CAPN5: variants seen among roughly 807,000 people sequenced by gnomAD.
CAPN5 encodes the protein calpain-5.
In CAPN5, 54 loss-of-function variants were observed where a neutral mutation model predicts 73.0. The ratio of observed to expected loss-of-function variants is 0.74; its 90% CI spans 0.59 to 0.93. CAPN5 has a LOEUF of 0.93. Ranked by LOEUF, CAPN5 falls within the 40% of genes least tolerant of loss-of-function variation. The probability of loss-of-function intolerance (pLI) is 0.00; values close to 1 mark genes in which losing one functional copy is unlikely to be tolerated. For synonymous variants in CAPN5, 335 were observed against 356.9 expected, an observed-to-expected ratio of 0.94 and a Z score of 0.69; for missense variants, 785 against 882.9, an observed-to-expected ratio of 0.89 and a Z score of 1.41.
intron 3 of CAPN5, among the ~76,000 whole-genome samples, chr11:77,104,388 G>C (rs1389661588): frequency 1.3e-5 from 2 of 152,180 alleles, no homozygotes; most frequent in African/African-American, 4.8e-5. Context: ...GGCATTTCTT[G>C]GGCTTCTTCA....
intron 3 of CAPN5, among the ~76,000 whole-genome samples, chr11:77,106,042 C>T (rs1294648822): frequency 6.6e-6 from 1 of 152,118 alleles, no homozygotes; most frequent in Non-Finnish European, 1.5e-5. Flanking sequence ...AACCCAGGCT[C>T]GGGTTGGGCT....
intron 3 of CAPN5, among the ~76,000 whole-genome samples, chr11:77,099,407 G>A (rs1279545273): frequency 2.8e-5 from 4 of 142,808 alleles, no homozygotes; most frequent in African/African-American, 7.9e-5. Flanking sequence ...GTAGTGAGCC[G>A]AGATCACGCC....
At chr11:77,093,640 T>C (rs782729697) in intron 2 of CAPN5, 42 bp from the exon 3 acceptor site, 14 of 1,528,264 alleles carry the variant, frequency 9.2e-6, no homozygotes, top group Admixed American at 7.8e-5. Context: ...GGCATCCGCA[T>C]GCTCCTCCGC....
In CAPN5 at chr11:77,112,779, T is replaced by C. The variant is rs782542809; in HGVS notation, c.488T>C (p.Val163Ala). 1 of 1,614,172 alleles carries C rather than the reference T, an allele frequency of 6.2e-7. No homozygotes were observed. Among genetic ancestry groups the C allele is most frequent in the South Asian group, 1.1e-5 (1 of 91,074 alleles). Residue 163 changes from valine to alanine, a missense_variant, in exon 4 of 13, where the codon GTG becomes GCG. Coordinates refer to ENST00000648180, the MANE Select transcript of CAPN5 (RefSeq NM_004055.5). ...NSRNEFWCAL[V>A]EKAYAKLAGC... ...CGCAATGAGTTTTGGTGCGCCCTAG[T>C]GGAGAAGGCCTATGCCAAGTAGGTG... is the stretch of plus-strand genomic sequence containing the variant.
intron 10 of CAPN5, 98 bp downstream of exon 10, chr11:77,121,007 G>A: frequency 1.7e-6 from 2 of 1,145,986 alleles, no homozygotes; most frequent in Non-Finnish European, 2.5e-6. Flanking sequence ...GTGTCTCTGG[G>A]CCTCCAGCCA....
chr11:77,100,875 G>A (rs1256067444), intron 3 of CAPN5, among the ~76,000 whole-genome samples: 4 of 152,170 alleles, frequency 2.6e-5, no homozygotes, highest in Non-Finnish European at 4.4e-5. Flanking sequence ...CTTTCTATCA[G>A]CCTTCACCTT....
rs782818823 is a variant in CAPN5 at position 77,093,842 on chromosome 11, G to A, written c.297+29G>A. ...AGGCCTCGGGCAGAGTGGGCAGGGTGCTGGGGAGTGTGAACGCAGCCTGTG... is the reference window on the plus strand; with the variant it reads ...AGGCCTCGGGCAGAGTGGGCAGGGTACTGGGGAGTGTGAACGCAGCCTGTG... On this transcript the variant is annotated intron_variant, in intron 3 of 12. Transcript: ENST00000648180. 6.2e-6 allele frequency: 10 copies of A among 1,602,332 alleles called. No individual in the cohort carries two copies. The South Asian group carries it at 9.9e-5, about 16-fold the overall frequency.
At chr11:77,093,581 C>T (rs1239178495) in intron 2 of CAPN5, 101 bp from the exon 3 acceptor site, 3 of 1,434,574 alleles carry the variant, frequency 2.1e-6, no homozygotes, top group Non-Finnish European at 2.8e-6. Flanking sequence ...GATCACACAG[C>T]AAGTCTGTGT....
chr11:77,116,403 A>G (rs1271827969), intron 7 of CAPN5, 100 bp downstream of exon 7: 8 of 822,910 alleles, frequency 9.7e-6, no homozygotes, highest in Non-Finnish European at 1.7e-5. Flanking sequence ...CCTCTCCTGC[A>G]TGCCCCATCA....
Position 77,112,795 on chromosome 11 carries a change from C to A in CAPN5, c.504C>A (p.Ala168=), listed in dbSNP as rs1950425525. ...FWCALVEKAY[A]KLAGCYQALD... ...GCGCCCTAGTGGAGAAGGCCTATGC[C>A]AAGTAGGTGCCAGCAGCAGGCAGGT... The change falls in exon 4 of 13, where the codon GCC becomes GCA. Residue 168 remains alanine (A), a splice_region_variant and synonymous_variant. Transcript: ENST00000648180. The A allele has an allele frequency of 6.2e-7, 1 of 1,614,038 alleles. No homozygotes were observed. The highest frequency in any genetic ancestry group is 8.5e-7 in the Non-Finnish European group (1 of 1,179,938).
Position 77,122,680 on chromosome 11 carries a change from C to T in CAPN5, c.1708C>T (p.Arg570Cys), listed in dbSNP as rs782363480. Residue 570 changes from arginine to cysteine, a missense_variant, in exon 12 of 13, where the codon CGC becomes TGC. Arg to Cys is a radical substitution (Grantham distance 180). Transcript: ENST00000648180. Reference sequence around the variant, plus strand: ...GTACAATGTGAAAGGCATCTTCTACCGCAAGAAGCTGAGCCAGCCCATCAC... The same window carrying T: ...GTACAATGTGAAAGGCATCTTCTACTGCAAGAAGCTGAGCCAGCCCATCAC... ...PEYNVKGIFY[R>C]KKLSQPITVQ... The T allele has an allele frequency of 5.8e-5, 94 of 1,613,818 alleles. No homozygotes were observed. In the South Asian group the frequency reaches 7.5e-4, roughly 13 times the overall value.
At chr11:77,092,231 A>C (rs983248177) in intron 2 of CAPN5, among the ~76,000 whole-genome samples, 2 of 152,228 alleles carry the variant, frequency 1.3e-5, no homozygotes, top group South Asian at 4.1e-4. Context: ...GACAAAAACA[A>C]AAACAAAAAA....
At chr11:77,068,497 G>A (rs994922737) in intron 1 of CAPN5, among the ~76,000 whole-genome samples, 1 of 152,088 alleles carries the variant, frequency 6.6e-6, no homozygotes, top group African/African-American at 2.4e-5. Context: ...GAAAAGAAAA[G>A]GCAGGTCATT....
rs1437116248 is a variant in CAPN5 at position 77,120,894 on chromosome 11, T to C, written c.1472T>C (p.Val491Ala). ...TTCCTGCTCCGAGTCTTCACTGATG[T>C]GCCCTCCAACTGCCGGTACTTGGGG... is the stretch of plus-strand genomic sequence containing the variant. ...GEFLLRVFTD[V>A]PSNCRELRLD... is the part of the protein sequence containing the mutation. The change falls in exon 10 of 13, where the codon GTG becomes GCG. Residue 491 changes from valine to alanine, a missense_variant. Coordinates refer to ENST00000648180, the MANE Select transcript of CAPN5 (RefSeq NM_004055.5). The C allele has an allele frequency of 5.0e-6, 8 of 1,613,288 alleles. No homozygotes were observed. Among genetic ancestry groups the C allele is most frequent in the Non-Finnish European group, 5.9e-6 (7 of 1,179,396 alleles).
intron 3 of CAPN5, among the ~76,000 whole-genome samples, chr11:77,097,084 T>C (rs1555037574): frequency 1.3e-5 from 2 of 152,030 alleles, no homozygotes; most frequent in African/African-American, 2.4e-5. Context: ...TAGCCAGGCG[T>C]GGTGGTGGGC....
rs148708144 is a variant in CAPN5, at chr11:77,112,849, C to T, written c.506+52C>T. The T allele has an allele frequency of 5.6e-4, 859 of 1,534,958 alleles. 2 individuals are homozygous for T. Among genetic ancestry groups the T allele is most frequent in the African/African-American group, 5.3e-3 (391 of 73,686 alleles). ...TGGGAGGCCCAGACGGGGGTGGCACCGGATGGGCTCCTCGTGGTATTCCGT... is the reference window on the plus strand; with the variant it reads ...TGGGAGGCCCAGACGGGGGTGGCACTGGATGGGCTCCTCGTGGTATTCCGT... On this transcript the variant is annotated intron_variant, in intron 4 of 12. Coordinates refer to ENST00000648180, the MANE Select transcript of CAPN5 (RefSeq NM_004055.5).
intron 1 of CAPN5, among the ~76,000 whole-genome samples, chr11:77,080,412 C>T (rs898826853): frequency 6.6e-6 from 1 of 152,186 alleles, no homozygotes; most frequent in Non-Finnish European, 1.5e-5. Flanking sequence ...ATGCTGGCTC[C>T]ATGACCCCAT....
Position 77,097,090 on chromosome 11 carries a change from T to C in CAPN5, c.297+3277T>C, listed in dbSNP as rs1351843237. Reference sequence around the variant, plus strand: ...ACAAAAAATTAGCCAGGCGTGGTGGTGGGCGCCTGTAGTCCCAGCTACTTG... The same window carrying C: ...ACAAAAAATTAGCCAGGCGTGGTGGCGGGCGCCTGTAGTCCCAGCTACTTG... On this transcript the variant is annotated intron_variant, in intron 3 of 12. Transcript: ENST00000648180. Among the ~76,000 whole-genome samples, 6 of 151,994 alleles carry C rather than the reference T, an allele frequency of 3.9e-5. No homozygotes were observed. The South Asian group carries it at 6.2e-4, about 16-fold the overall frequency.
intron 1 of CAPN5, among the ~76,000 whole-genome samples, chr11:77,072,486 G>C (rs547419389): frequency 6.6e-6 from 1 of 152,314 alleles, no homozygotes; most frequent in Admixed American, 6.5e-5. Flanking sequence ...AAGTTGGAAT[G>C]GGGGACACAC....
Sources: allele counts gnomAD v4.1 joint callset (sites outside exome capture counted in the v4.1 genomes callset), GRCh38; gene constraint gnomAD v4.1.1; transcripts MANE v1.5; gene names NCBI Gene and HGNC (gene_info 2026-07-23, HGNC 2026-07-21).